The following AK5 variants were observed in gnomAD, a reference collection of about 807,000 sequenced individuals.
AK5 encodes adenylate kinase isoenzyme 5.
In AK5, 27 loss-of-function variants were observed where a neutral mutation model predicts 69.5. The ratio of observed to expected loss-of-function variants is 0.39; its 90% CI spans 0.29 to 0.54. The LOEUF is 0.54. AK5 is among the 20% of genes least tolerant of loss of function. AK5 has a pLI of 0.71. For missense variants in AK5, 531 were observed against 700.4 expected, an observed-to-expected ratio of 0.76 and a Z score of 2.73; for synonymous variants, 260 against 244.4, an observed-to-expected ratio of 1.06 and a Z score of -0.60.
Position 77,529,420 on chromosome 1 carries a change from G to A in AK5, c.1429-6427G>A, listed in dbSNP as rs2018388. Among the ~76,000 whole-genome samples the A allele has an allele frequency of 5.4e-3, 804 of 147,806 alleles. 9 individuals are homozygous for A. The highest frequency in any genetic ancestry group is 0.019 in the African/African-American group (739 of 39,730). On this transcript the variant is annotated intron_variant, in intron 12 of 13. Coordinates refer to ENST00000354567, the MANE Select transcript of AK5 (RefSeq NM_174858.3). ...GTGATCTCAGCTCACTGCAACCTCCGCCTCCTGGGCTCAAGTGATTCTCCT... is the reference window on the plus strand; with the variant it reads ...GTGATCTCAGCTCACTGCAACCTCCACCTCCTGGGCTCAAGTGATTCTCCT...
chr1:77,545,853 G>A (rs1659519002), intron 13 of AK5, among the ~76,000 whole-genome samples: 1 of 152,158 alleles, frequency 6.6e-6, no homozygotes, highest in South Asian at 2.1e-4. Context: ...CCCTCCTGCT[G>A]GTGCAGTGAA....
intron 8 of AK5, among the ~76,000 whole-genome samples, chr1:77,472,784 T>G (rs2803160): frequency 0.42 from 46,055 of 109,390 alleles, 12,705 homozygotes; most frequent in East Asian, 0.51. Flanking sequence ...CAGCTACTGA[T>G]GAGGCAATTC....
intron 6 of AK5, among the ~76,000 whole-genome samples, chr1:77,394,387 T>G (rs1416475819): frequency 6.6e-6 from 1 of 152,130 alleles, no homozygotes; most frequent in African/African-American, 2.4e-5. Context: ...GACACTTTCT[T>G]TAATCCTCAT....
chr1:77,512,480 A>G (rs1389323391), intron 10 of AK5, among the ~76,000 whole-genome samples: 1 of 152,156 alleles, frequency 6.6e-6, no homozygotes, highest in Non-Finnish European at 1.5e-5. Flanking sequence ...TTTAACAGAG[A>G]GATGGGAATA....
chr1:77,431,004 G>A (rs1651601052), intron 8 of AK5, among the ~76,000 whole-genome samples: 1 of 152,168 alleles, frequency 6.6e-6, no homozygotes, highest in Non-Finnish European at 1.5e-5. Flanking sequence ...CAGCCCTGGT[G>A]GAGAGACTGG....
intron 8 of AK5, among the ~76,000 whole-genome samples, chr1:77,474,011 C>T (rs1654678044): frequency 1.3e-5 from 2 of 152,110 alleles, no homozygotes; most frequent in East Asian, 3.9e-4. Flanking sequence ...AAGCTCAAGG[C>T]AAAGGGGAAG....
chr1:77,548,781 T>C (rs1264066870), intron 13 of AK5, among the ~76,000 whole-genome samples: 1 of 152,244 alleles, frequency 6.6e-6, no homozygotes, highest in Non-Finnish European at 1.5e-5. Context: ...TTTCCTCATT[T>C]AGTCATATGT....
intron 5 of AK5, among the ~76,000 whole-genome samples, chr1:77,316,783 T>C (rs1439478692): frequency 6.6e-6 from 1 of 152,226 alleles, no homozygotes; most frequent in Non-Finnish European, 1.5e-5. Context: ...AAGATGATTA[T>C]TCATTTATTT....
At chr1:77,410,394 C>T (rs1649960797) in intron 6 of AK5, among the ~76,000 whole-genome samples, 2 of 152,020 alleles carry the variant, frequency 1.3e-5, no homozygotes. Flanking sequence ...TCTCGTGCCT[C>T]AGCCTCCCTA....
At chr1:77,521,678 A>T in intron 11 of AK5, 149 bp from the exon 12 acceptor site, 1 of 584,480 alleles carries the variant, frequency 1.7e-6, no homozygotes, top group Admixed American at 3.2e-5. Flanking sequence ...TGGAGGTGGA[A>T]GAGTGAAATG....
At position 77,375,206 on chromosome 1, in the gene AK5, C is replaced by T. The variant is rs185639535; in HGVS notation, c.891+34638C>T. Among the ~76,000 whole-genome samples the T allele has an allele frequency of 2.6e-4, 39 of 152,296 alleles. 1 individual carries two copies. The highest frequency in any genetic ancestry group is 1.2e-3 in the Admixed American group (19 of 15,296). Reference sequence around the variant, plus strand: ...TTGAGTCAAGCCAGGTCAGACCTTACGCTCATGATACTTGGAGGTAACACA... The same window carrying T: ...TTGAGTCAAGCCAGGTCAGACCTTATGCTCATGATACTTGGAGGTAACACA... On this transcript the variant is annotated intron_variant, in intron 6 of 13. Transcript: ENST00000354567.
chr1:77,461,591 G>A (rs1413311222), intron 8 of AK5, among the ~76,000 whole-genome samples: 1 of 151,800 alleles, frequency 6.6e-6, no homozygotes, highest in Non-Finnish European at 1.5e-5. Context: ...CCAACATGGT[G>A]AAATCCCGTC....
intron 10 of AK5, among the ~76,000 whole-genome samples, chr1:77,496,787 G>A (rs1026398411): frequency 2.6e-5 from 4 of 152,102 alleles, no homozygotes; most frequent in African/African-American, 9.7e-5. Context: ...GATTGTAAAC[G>A]CACCAATCAG....
At chr1:77,341,827 A>C (rs1661670099) in intron 6 of AK5, among the ~76,000 whole-genome samples, 1 of 152,190 alleles carries the variant, frequency 6.6e-6, no homozygotes, top group Non-Finnish European at 1.5e-5. Context: ...AGTAATTGAA[A>C]AGATTTGGGA....
intron 12 of AK5, among the ~76,000 whole-genome samples, chr1:77,526,975 G>A (rs1167282684): frequency 6.6e-6 from 1 of 151,932 alleles, no homozygotes; most frequent in Non-Finnish European, 1.5e-5. Context: ...AGAACTTAAC[G>A]CCTATGGGGT....
intron 5 of AK5, among the ~76,000 whole-genome samples, chr1:77,298,640 CAA>C (rs35463751): frequency 4.4e-5 from 6 of 137,062 alleles, no homozygotes; most frequent in African/African-American, 2.7e-5. Flanking sequence ...CCCATCTCTA[CAA>C]AAAAAAAAAA....
intron 6 of AK5, among the ~76,000 whole-genome samples, chr1:77,354,529 G>A (rs1662392803): frequency 6.6e-6 from 1 of 152,246 alleles, no homozygotes; most frequent in African/African-American, 2.4e-5. Context: ...GTGCCAGACT[G>A]TAGTGGGTGC....
At chr1:77,453,572 G>C (rs916120170) in intron 8 of AK5, among the ~76,000 whole-genome samples, 4 of 152,200 alleles carry the variant, frequency 2.6e-5, no homozygotes, top group African/African-American at 9.6e-5. Context: ...TTGTTGCAGT[G>C]AATGTCCTGA....
intron 8 of AK5, among the ~76,000 whole-genome samples, chr1:77,454,594 A>C (rs567287616): frequency 2.0e-5 from 3 of 152,208 alleles, no homozygotes; most frequent in Admixed American, 6.5e-5. Context: ...TATACTTTCC[A>C]AAGAGAATTA....
Sources: allele counts gnomAD v4.1 joint callset (sites outside exome capture counted in the v4.1 genomes callset), GRCh38; gene constraint gnomAD v4.1.1; transcripts MANE v1.5; gene names NCBI Gene and HGNC (gene_info 2026-07-23, HGNC 2026-07-21).